GPC5: variants seen among roughly 807,000 people sequenced by gnomAD.
GPC5 encodes glypican 5, also known as glypican-5.
Under a neutral mutation model 53.9 loss-of-function variants are expected in GPC5, and 47 were observed. The ratio of observed to expected loss-of-function variants is 0.87; its 90% CI spans 0.69 to 1.11. The LOEUF (loss-of-function observed/expected upper bound fraction) is 1.11, where lower values mean the gene tolerates loss of function less well. GPC5 is among the 50% of genes most tolerant of loss of function. The pLI is 0.00. For synonymous variants in GPC5, 286 were observed against 263.3 expected, an observed-to-expected ratio of 1.09 and a Z score of -0.84; for missense variants, 748 against 713.1, an observed-to-expected ratio of 1.05 and a Z score of -0.56.
At chr13:92,845,827 AT>A (rs1878594572) in intron 7 of GPC5, among the ~76,000 whole-genome samples, 1 of 152,124 alleles carries the variant, frequency 6.6e-6, no homozygotes, top group Admixed American at 6.5e-5. Context: ...TTTGATTTTA[AT>A]TTATAAGTTT....
rs562174528 is a variant in GPC5, at chr13:92,063,273, C to A, written c.1402-81557C>A. Among the ~76,000 whole-genome samples the A allele has an allele frequency of 1.4e-4, 22 of 152,160 alleles. No homozygotes were observed. In the South Asian group the frequency reaches 3.5e-3, roughly 24 times the overall value. On this transcript the variant is annotated intron_variant, in intron 6 of 7. Coordinates refer to ENST00000377067, the MANE Select transcript of GPC5 (RefSeq NM_004466.6). ...ATGAGATTCACTGCATTTCCAAGAC[C>A]AGCTGGGTTTACATCATTATTAATA...
Position 91,977,624 on chromosome 13 carries a change from T to C in GPC5, c.1401+69567T>C, listed in dbSNP as rs540861272. The stretch of plus-strand genomic sequence containing the variant: ...ATAGACAATGCAAAAAAGGGCATTC[T>C]AAACCTCCCTTTTCTTCCTAAAATC... On this transcript the variant is annotated intron_variant, in intron 6 of 7. Coordinates refer to ENST00000377067, the MANE Select transcript of GPC5 (RefSeq NM_004466.6). Among the ~76,000 whole-genome samples, 3 of 152,320 alleles carry C rather than the reference T, an allele frequency of 2.0e-5. No homozygotes were observed. The South Asian group carries it at 6.2e-4, about 32-fold the overall frequency.
chr13:92,518,164 A>G (rs1480785779), intron 7 of GPC5, among the ~76,000 whole-genome samples: 2 of 152,200 alleles, frequency 1.3e-5, no homozygotes, highest in Admixed American at 1.3e-4. Context: ...GTTGTCCCTG[A>G]AAGTGAGGGG....
At chr13:91,598,686 C>A (rs1209332875) in intron 2 of GPC5, among the ~76,000 whole-genome samples, 2 of 151,680 alleles carry the variant, frequency 1.3e-5, no homozygotes, top group Non-Finnish European at 2.9e-5. Flanking sequence ...ATATATTTTT[C>A]TAAATGTCAT....
intron 5 of GPC5, among the ~76,000 whole-genome samples, chr13:91,845,726 T>G (rs2038841505): frequency 1.3e-5 from 2 of 152,186 alleles, no homozygotes; most frequent in South Asian, 4.1e-4. Flanking sequence ...TTAAATAGTA[T>G]TACCGTGTCT....
chr13:92,164,550 G>A (rs1038238996), intron 7 of GPC5, among the ~76,000 whole-genome samples: 6 of 151,970 alleles, frequency 3.9e-5, no homozygotes, highest in South Asian at 4.1e-4. Context: ...TCATTCCTTC[G>A]ACTTTGCAGG....
At chr13:91,574,045 A>C (rs1157638057) in intron 2 of GPC5, among the ~76,000 whole-genome samples, 1 of 152,210 alleles carries the variant, frequency 6.6e-6, no homozygotes, top group Non-Finnish European at 1.5e-5. Flanking sequence ...TTTATCACCA[A>C]GGGTAATTAT....
At chr13:91,520,162 C>G (rs1885725514) in intron 2 of GPC5, among the ~76,000 whole-genome samples, 1 of 151,998 alleles carries the variant, frequency 6.6e-6, no homozygotes, top group Non-Finnish European at 1.5e-5. Context: ...ACATTCACAA[C>G]TTGATATGGG....
intron 5 of GPC5, among the ~76,000 whole-genome samples, chr13:91,803,005 GT>G (rs1225390811): frequency 6.6e-6 from 1 of 152,028 alleles, no homozygotes; most frequent in Non-Finnish European, 1.5e-5. Flanking sequence ...AGATGATGGT[GT>G]TTTTTGCTTC....
At chr13:91,508,766 A>G (rs1255989138) in intron 2 of GPC5, among the ~76,000 whole-genome samples, 2 of 152,256 alleles carry the variant, frequency 1.3e-5, no homozygotes, top group Admixed American at 1.3e-4. Flanking sequence ...ACATAAAAAT[A>G]TAAAGGATTT....
intron 7 of GPC5, among the ~76,000 whole-genome samples, chr13:92,837,095 AGACT>A (rs936078198): frequency 2.0e-5 from 3 of 152,208 alleles, no homozygotes; most frequent in Admixed American, 6.5e-5. Flanking sequence ...GCAAGCTTCC[AGACT>A]GAAGGATATA....
chr13:92,187,737 G>A (rs2042194272), intron 7 of GPC5, among the ~76,000 whole-genome samples: 1 of 152,072 alleles, frequency 6.6e-6, no homozygotes, highest in Non-Finnish European at 1.5e-5. Flanking sequence ...GTCATATTGG[G>A]GAAAGATGTG....
intron 2 of GPC5, among the ~76,000 whole-genome samples, chr13:91,499,812 A>C (rs1416624034): frequency 6.6e-6 from 1 of 152,216 alleles, no homozygotes; most frequent in Admixed American, 6.5e-5. Context: ...CCTCAATCTA[A>C]AACAGATACA....
At chr13:92,667,522 C>T (rs1339229476) in intron 7 of GPC5, among the ~76,000 whole-genome samples, 1 of 152,006 alleles carries the variant, frequency 6.6e-6, no homozygotes, top group Non-Finnish European at 1.5e-5. Flanking sequence ...CCTTTCTATT[C>T]ATGGGTTATG....
intron 7 of GPC5, among the ~76,000 whole-genome samples, chr13:92,629,197 A>G (rs1217636840): frequency 2.0e-5 from 3 of 152,340 alleles, no homozygotes; most frequent in Middle Eastern, 6.8e-3. Flanking sequence ...ACTTAGTTTT[A>G]GAAATGGTAA....
At chr13:91,907,113 C>A (rs2039561268) in intron 5 of GPC5, among the ~76,000 whole-genome samples, 1 of 148,646 alleles carries the variant, frequency 6.7e-6, no homozygotes, top group Non-Finnish European at 1.5e-5. Flanking sequence ...TTTTATTTTT[C>A]AAAAATAAAG....
At position 92,337,499 on chromosome 13, in the gene GPC5, G is replaced by C. The variant is rs142412781; in HGVS notation, c.1561+192510G>C. 5.9e-3 allele frequency among the ~76,000 whole-genome samples: 897 copies of C among 152,260 alleles called. 8 individuals carry two copies. Among genetic ancestry groups the C allele is most frequent in the African/African-American group, 0.021 (858 of 41,570 alleles). On this transcript the variant is annotated intron_variant, in intron 7 of 7. Transcript: ENST00000377067. ...GCCATATTGAAGGAGAATTACAAAG[G>C]AGAGAATATTGAAAGAGAACAAAGT...
chr13:92,137,675 T>C (rs1262119013), intron 6 of GPC5, among the ~76,000 whole-genome samples: 1 of 152,214 alleles, frequency 6.6e-6, no homozygotes, highest in African/African-American at 2.4e-5. Flanking sequence ...GCCCAGGCTT[T>C]AGTGCAGTGA....
intron 7 of GPC5, among the ~76,000 whole-genome samples, chr13:92,212,079 C>CAAA (rs769337977): frequency 7.6e-4 from 51 of 67,376 alleles, no homozygotes; most frequent in African/African-American, 2.6e-3. Flanking sequence ...CACAATAAAG[C>CAAA]AAAAAAAAAA....
Sources: allele counts gnomAD v4.1 joint callset (sites outside exome capture counted in the v4.1 genomes callset), GRCh38; gene constraint gnomAD v4.1.1; transcripts MANE v1.5; gene names NCBI Gene and HGNC (gene_info 2026-07-23, HGNC 2026-07-21).